The following G2E3 variants were observed in gnomAD, a reference collection of about 807,000 sequenced individuals.
G2E3 encodes G2/M phase-specific E3 ubiquitin-protein ligase.
G2E3 carries 35 observed loss-of-function variants against 92.8 expected under a neutral mutation model. That is an observed-to-expected ratio of 0.38 (90% confidence interval 0.29 to 0.50). G2E3 has a LOEUF of 0.50. Among genes scored for constraint, G2E3 ranks in the 20% least tolerant of loss-of-function variants. The pLI, the probability that G2E3 is intolerant of heterozygous loss-of-function variation, is 0.94. For missense variants in G2E3, 554 were observed against 823.8 expected (o/e 0.67, Z 4.01); for synonymous variants, 242 against 272.4 (o/e 0.89, Z 1.10).
chr14:30,585,759 T>G (rs1880681694), intron 2 of G2E3, among the ~76,000 whole-genome samples: 1 of 152,078 alleles, frequency 6.6e-6, no homozygotes, highest in African/African-American at 2.4e-5. Context: ...TTTCTTCTTT[T>G]TTTCTAGTTC....
chr14:30,569,962 T>C (rs1211028838), intron 1 of G2E3, among the ~76,000 whole-genome samples: 2 of 152,216 alleles, frequency 1.3e-5, no homozygotes, highest in East Asian at 1.9e-4. Flanking sequence ...AATTACGTTA[T>C]AATATCACCA....
chr14:30,604,962 T>A (rs947609980), intron 10 of G2E3, among the ~76,000 whole-genome samples: 4 of 152,170 alleles, frequency 2.6e-5, no homozygotes, highest in Non-Finnish European at 5.9e-5. Flanking sequence ...AATGGCGTGA[T>A]CTTGGCTCAA....
rs1421132637 is a variant in G2E3 at position 30,608,058 on chromosome 14, A to AT, written c.1491dup (p.Ile498TyrfsTer12). 6.3e-6 allele frequency: 10 copies of AT among 1,576,144 alleles called. No individual in the cohort carries two copies. ...TGTTTCAGACTTTGATGTGGCACAGATTATAATCAGGGTAAGCAATGTATC... is the reference window on the plus strand; with the variant it reads ...TGTTTCAGACTTTGATGTGGCACAGATTTATAATCAGGGTAAGCAATGTATC... On this transcript the variant is annotated frameshift_variant, in exon 12 of 15. Coordinates refer to ENST00000206595, the MANE Select transcript of G2E3 (RefSeq NM_017769.5). LOFTEE classifies it high-confidence loss of function.
At chr14:30,570,278 T>C (rs1879680387) in intron 1 of G2E3, among the ~76,000 whole-genome samples, 1 of 152,196 alleles carries the variant, frequency 6.6e-6, no homozygotes, top group Non-Finnish European at 1.5e-5. Context: ...AGTTTGACTA[T>C]ACTGTGTCTC....
chr14:30,592,911 AAACAT>A (rs1881090813), intron 5 of G2E3, among the ~76,000 whole-genome samples: 1 of 152,124 alleles, frequency 6.6e-6, no homozygotes, highest in Non-Finnish European at 1.5e-5. Flanking sequence ...GTACAACTTT[AAACAT>A]CAAGGTTTTA....
chr14:30,598,442 T>G, intron 7 of G2E3, 41 bp from the exon 8 acceptor site: 1 of 1,222,526 alleles, frequency 8.2e-7, no homozygotes, highest in Non-Finnish European at 1.2e-6. Context: ...TTATGTAACA[T>G]TATTTATAGG....
intron 1 of G2E3, among the ~76,000 whole-genome samples, chr14:30,575,476 A>G (rs962510874): frequency 3.3e-5 from 5 of 152,164 alleles, no homozygotes; most frequent in African/African-American, 1.2e-4. Context: ...CAAGACGAGG[A>G]TACTCTCTCA....
intron 1 of G2E3, among the ~76,000 whole-genome samples, chr14:30,577,599 C>A (rs1880190586): frequency 6.6e-6 from 1 of 152,170 alleles, no homozygotes; most frequent in African/African-American, 2.4e-5. Flanking sequence ...CATTCCTTAC[C>A]AACTGGGTGT....
chr14:30,598,780 A>G (rs964741302), intron 8 of G2E3, among the ~76,000 whole-genome samples, 181 bp downstream of exon 8: 2 of 152,220 alleles, frequency 1.3e-5, no homozygotes, highest in African/African-American at 4.8e-5. Context: ...TGCAGTTAGT[A>G]TAGTTGTAAC....
Position 30,594,519 on chromosome 14 carries a change from C to G in G2E3, c.528+880C>G, listed in dbSNP as rs560582598. 4.6e-5 allele frequency among the ~76,000 whole-genome samples: 7 copies of G among 151,634 alleles called. No homozygotes were observed. The South Asian group carries it at 1.3e-3, about 27-fold the overall frequency. ...CCTGGCTAACACGGTGAAACCCCGT[C>G]TCTACTAAAAATACAAAAAAAAAAT... On this transcript the variant is annotated intron_variant, in intron 6 of 14. Coordinates refer to ENST00000206595, the MANE Select transcript of G2E3 (RefSeq NM_017769.5).
At chr14:30,605,879 G>T in intron 11 of G2E3, 67 bp downstream of exon 11, 1 of 790,740 alleles carries the variant, frequency 1.3e-6, no homozygotes, top group Non-Finnish European at 2.0e-6. Context: ...TAGATAGCTG[G>T]TTAGAATTGA....
intron 12 of G2E3, among the ~76,000 whole-genome samples, chr14:30,608,572 C>A (rs1394949317): frequency 6.6e-6 from 1 of 152,172 alleles, no homozygotes; most frequent in African/African-American, 2.4e-5. Flanking sequence ...TGGTAGGGAT[C>A]GGGGAGGACT....
Position 30,581,132 on chromosome 14 carries a change from T to TA in G2E3, c.37+20dup. ...CAGAACCTTGGTAAGTAACTGTATT[T>TA]AAAATAATTTTATTACAATGAGTGT... On this transcript the variant is annotated intron_variant, in intron 2 of 14. Transcript: ENST00000206595. 1 of 1,351,820 alleles carries TA rather than the reference T, an allele frequency of 7.4e-7. No homozygotes were observed. Among genetic ancestry groups the TA allele is most frequent in the South Asian group, 1.2e-5 (1 of 83,830 alleles). The allele number at this position is 1,351,820 out of a possible 1,614,324, so 83.7% of individuals were successfully genotyped here.
intron 12 of G2E3, chr14:30,611,949 A>G (rs1274059890): frequency 1.0e-5 from 3 of 295,726 alleles, no homozygotes; most frequent in African/African-American, 4.5e-5. Context: ...TAATTTTTCA[A>G]TGTCAGTTAT....
Position 30,605,579 on chromosome 14 carries a change from A to G in G2E3, c.1085A>G (p.Lys362Arg). ...GGATTCCAAATTAAAAAAAAAACTA[A>G]AAGATTGTATATCAACAAAGCCAAT... Reference protein sequence around the residue: ...ELGFQIKKKTKRLYINKANIW... With the variant: ...ELGFQIKKKTRRLYINKANIW... Residue 362 changes from lysine to arginine, a missense_variant, in exon 11 of 15, where the codon AAA becomes AGA. Transcript: ENST00000206595. 2 of 1,519,800 alleles carry G rather than the reference A, an allele frequency of 1.3e-6. No homozygotes were observed. The highest frequency in any genetic ancestry group is 2.4e-5 in the South Asian group (2 of 84,044). 94.1% of individuals were successfully genotyped at this position (1,519,800 alleles called of 1,614,324 possible). A position where few individuals can be genotyped will look rare whatever the true frequency, so the allele number is the denominator to read the frequency against.
intron 1 of G2E3, among the ~76,000 whole-genome samples, chr14:30,564,863 A>G (rs1002152828): frequency 5.9e-5 from 9 of 152,164 alleles, no homozygotes; most frequent in South Asian, 4.1e-4. Flanking sequence ...CCATTCATCA[A>G]TTGATGTATA....
At chr14:30,571,420 T>C (rs908545273) in intron 1 of G2E3, among the ~76,000 whole-genome samples, 19 of 152,092 alleles carry the variant, frequency 1.2e-4, no homozygotes, top group African/African-American at 4.3e-4. Flanking sequence ...CCTTTTTCTT[T>C]GCTTAACTAT....
intron 3 of G2E3, among the ~76,000 whole-genome samples, chr14:30,588,924 T>C (rs986629744): frequency 7.2e-5 from 11 of 152,198 alleles, no homozygotes; most frequent in Non-Finnish European, 4.4e-5. Context: ...CAATAGGTTT[T>C]CTTGTAAATA....
chr14:30,590,782 A>G (rs916142498), intron 4 of G2E3: 2 of 455,182 alleles, frequency 4.4e-6, no homozygotes, highest in African/African-American at 4.0e-5. Context: ...TAGTATCATA[A>G]TTCCTAAACT....
Sources: gnomAD v4.1 joint callset for allele counts (sites outside exome capture counted in the v4.1 genomes callset) on GRCh38, gnomAD v4.1.1 for gene constraint, MANE v1.5 for transcripts, NCBI Gene and HGNC (gene_info 2026-07-23, HGNC 2026-07-21) for gene names.